The following LRCH1 variants were observed in gnomAD, a reference collection of about 807,000 sequenced individuals.
LRCH1 encodes the protein leucine-rich repeat and calponin homology domain-containing protein 1.
In LRCH1, 23 loss-of-function variants were observed where a neutral mutation model predicts 94.9. The observed-to-expected ratio is 0.24, with a 90% confidence interval of 0.17 to 0.34. LRCH1 has a LOEUF of 0.34. LRCH1 is among the 10% of genes least tolerant of loss of function. The pLI, the probability that LRCH1 is intolerant of heterozygous loss-of-function variation, is 1.00. For synonymous variants in LRCH1, 364 were observed against 354.9 expected (o/e 1.03, Z -0.29); for missense variants, 790 against 945.9 (o/e 0.84, Z 2.16).
intron 8 of LRCH1, among the ~76,000 whole-genome samples, chr13:46,694,220 A>T (rs887333446): frequency 6.6e-6 from 1 of 152,086 alleles, no homozygotes; most frequent in Non-Finnish European, 1.5e-5. Context: ...ATTGGCTCAG[A>T]GTGTTTAAAG....
chr13:46,661,995 G>A (rs186302140), intron 2 of LRCH1, among the ~76,000 whole-genome samples: 2 of 152,194 alleles, frequency 1.3e-5, no homozygotes, highest in Admixed American at 6.5e-5. Context: ...GGCGGATCAC[G>A]AGGTCAGGAG....
intron 1 of LRCH1, among the ~76,000 whole-genome samples, chr13:46,558,180 A>G (rs1263470134): frequency 6.6e-6 from 1 of 152,218 alleles, no homozygotes; most frequent in Non-Finnish European, 1.5e-5. Context: ...AGTATAAGAC[A>G]ATACAGGAAT....
chr13:46,578,404 G>C (rs1323191035), intron 1 of LRCH1, among the ~76,000 whole-genome samples: 1 of 152,202 alleles, frequency 6.6e-6, no homozygotes, highest in Admixed American at 6.5e-5. Flanking sequence ...GAAGCAAAAG[G>C]ATGACACATT....
rs148953014 is a variant in LRCH1 at position 46,602,877 on chromosome 13, A to C, written c.308-47324A>C. On this transcript the variant is annotated intron_variant, in intron 1 of 19. Transcript: ENST00000389797. ...GGTGGGAGGATGGATTGAGCCCCGG[A>C]GGTCAGTGCTGCAGTGAACCATGAT... is the stretch of plus-strand genomic sequence containing the variant. Among the ~76,000 whole-genome samples the C allele has an allele frequency of 8.2e-3, 1,249 of 152,236 alleles. 4 individuals carry two copies. The highest frequency in any genetic ancestry group is 0.013 in the Non-Finnish European group (863 of 68,012).
At chr13:46,597,848 A>C (rs2050582257) in intron 1 of LRCH1, among the ~76,000 whole-genome samples, 1 of 152,074 alleles carries the variant, frequency 6.6e-6, no homozygotes, top group Admixed American at 6.5e-5. Flanking sequence ...ATGACGTTAT[A>C]AGTTGGTTGA....
chr13:46,557,130 A>G (rs749614279), intron 1 of LRCH1, among the ~76,000 whole-genome samples: 2 of 151,952 alleles, frequency 1.3e-5, no homozygotes, highest in Admixed American at 6.6e-5. Context: ...TGGGCCAAAG[A>G]AAAACAAGTA....
rs2051272617 is a variant in LRCH1, at chr13:46,650,062, T to C, written c.308-139T>C. On this transcript the variant is annotated intron_variant, in intron 1 of 19. Transcript: ENST00000389797. ...AAAAAGGAAATAGAAATCACAGTGC[T>C]GTAGTAACAGAGGTGCAAAAAAAAA... is the stretch of plus-strand genomic sequence containing the variant. The C allele has an allele frequency of 9.3e-6, 5 of 535,904 alleles. No individual in the cohort carries two copies. The South Asian group carries it at 1.3e-4, about 14-fold the overall frequency. The allele number at this position is 535,904 out of a possible 1,614,324, so 33.2% of individuals were successfully genotyped here.
chr13:46,555,976 C>T (rs911814242), intron 1 of LRCH1, among the ~76,000 whole-genome samples: 4 of 152,130 alleles, frequency 2.6e-5, no homozygotes, highest in Admixed American at 1.3e-4. Flanking sequence ...GTTGACACAG[C>T]GTACATGTAA....
In LRCH1 at chr13:46,553,193, A is replaced by G. The variant is rs888616495; in HGVS notation, c.-204A>G. 1.8e-4 allele frequency: 103 copies of G among 566,840 alleles called. No individual in the cohort carries two copies. Among genetic ancestry groups the G allele is most frequent in the Admixed American group, 3.6e-4 (11 of 30,346 alleles). The allele number at this position is 566,840 out of a possible 1,614,324, so 35.1% of individuals were successfully genotyped here. On this transcript the variant is annotated 5_prime_UTR_variant, in exon 1 of 20. Transcript: ENST00000389797. ...CCGCAGTCCTTAGCTTCCCGGGGAC[A>G]GGAAACCTTCAAGACCGAGCTGCCA...
At chr13:46,579,421 A>G (rs942181032) in intron 1 of LRCH1, among the ~76,000 whole-genome samples, 2 of 151,396 alleles carry the variant, frequency 1.3e-5, no homozygotes, top group African/African-American at 4.9e-5. Context: ...CTTTTTGCCT[A>G]GAGTTATTTT....
chr13:46,649,930 G>A (rs1485921716), intron 1 of LRCH1, among the ~76,000 whole-genome samples: 1 of 152,106 alleles, frequency 6.6e-6, no homozygotes, highest in Non-Finnish European at 1.5e-5. Flanking sequence ...GAATGAGTTG[G>A]ACATAATTTT....
chr13:46,572,291 G>T (rs1253838013), intron 1 of LRCH1, among the ~76,000 whole-genome samples: 3 of 152,146 alleles, frequency 2.0e-5, no homozygotes. Flanking sequence ...AGGCCCAGGT[G>T]GTGTGAAGTA....
intron 18 of LRCH1, among the ~76,000 whole-genome samples, chr13:46,729,550 C>CAAAAAAAAAAAA (rs61033499): frequency 1.1e-5 from 1 of 89,142 alleles, no homozygotes; most frequent in East Asian, 3.3e-4. Context: ...GACCCTGTCT[C>CAAAAAAAAAAAA]AAAAAAAAAA....
chr13:46,592,426 A>G, intron 1 of LRCH1, among the ~76,000 whole-genome samples: 1 of 152,202 alleles, frequency 6.6e-6, no homozygotes, highest in Non-Finnish European at 1.5e-5. Flanking sequence ...AGGGCAAGTA[A>G]GGGAACTAAC....
chr13:46,658,841 A>G (rs1228611499), intron 2 of LRCH1, among the ~76,000 whole-genome samples: 1 of 152,168 alleles, frequency 6.6e-6, no homozygotes, highest in African/African-American at 2.4e-5. Context: ...ATTTAGTTAT[A>G]TTGTGTCAGA....
chr13:46,625,632 G>GTTT lies in LRCH1; in HGVS notation c.308-24550_308-24548dup, dbSNP rs3040224. 3.1e-3 allele frequency among the ~76,000 whole-genome samples: 394 copies of GTTT among 127,130 alleles called. 1 individual carries two copies. Among genetic ancestry groups the GTTT allele is most frequent in the Non-Finnish European group, 4.5e-3 (280 of 62,700 alleles). 83.4% of individuals were successfully genotyped at this position (127,130 alleles called of 152,430 possible). A position where few individuals can be genotyped will look rare whatever the true frequency, so the allele number is the denominator to read the frequency against. On this transcript the variant is annotated intron_variant, in intron 1 of 19. Transcript: ENST00000389797. ...GAACTATGAGAAATAAATGTGTGGG[G>GTTT]TTTTTTTTTTTTTTTTTTTTTGGTC...
intron 1 of LRCH1, among the ~76,000 whole-genome samples, chr13:46,574,667 A>G (rs1805840000): frequency 6.6e-6 from 1 of 152,190 alleles, no homozygotes; most frequent in South Asian, 2.1e-4. Context: ...CTCTTCAAAC[A>G]TACAAACTTA....
In LRCH1 at chr13:46,606,172, G is replaced by A. The variant is rs527634803; in HGVS notation, c.308-44029G>A. ...TATGTGTGTGTGTGTGTGTGTGTGT[G>A]TGTGTGTATAAGTCGTTCTAAAGTA... On this transcript the variant is annotated intron_variant, in intron 1 of 19. Transcript: ENST00000389797. 2.4e-3 allele frequency among the ~76,000 whole-genome samples: 361 copies of A among 152,242 alleles called. 2 individuals carry two copies. Among genetic ancestry groups the A allele is most frequent in the African/African-American group, 7.9e-3 (329 of 41,546 alleles).
At chr13:46,638,218 C>T (rs920804285) in intron 1 of LRCH1, among the ~76,000 whole-genome samples, 2 of 152,090 alleles carry the variant, frequency 1.3e-5, no homozygotes, top group Admixed American at 6.5e-5. Flanking sequence ...ATAAAATTTA[C>T]TTTCTTATGG....
Sources: gnomAD v4.1 joint callset for allele counts (sites outside exome capture counted in the v4.1 genomes callset) on GRCh38, gnomAD v4.1.1 for gene constraint, MANE v1.5 for transcripts, NCBI Gene and HGNC (gene_info 2026-07-23, HGNC 2026-07-21) for gene names.